Variants in EML2 observed in about 807,000 individuals in gnomAD.
EML2 encodes the protein EMAP like 2.
EML2 carries 59 observed loss-of-function variants against 84.7 expected under a neutral mutation model. The observed-to-expected ratio is 0.70, with a 90% CI of 0.56 to 0.86. EML2 has a LOEUF of 0.86. EML2 is among the 40% of genes least tolerant of loss of function. The pLI is 0.00. For synonymous variants in EML2, 352 were observed against 348.9 expected (o/e 1.01, Z -0.10); for missense variants, 818 against 855.6 (o/e 0.96, Z 0.55).
intron 15 of EML2, chr19:45,616,251 T>A: frequency 1.2e-5 from 5 of 420,248 alleles, no homozygotes; most frequent in Non-Finnish European, 2.0e-5. Flanking sequence ...GCTACACAGA[T>A]GGGCTTAGCA....
chr19:45,641,602 C>T (rs962580774), upstream of EML2: 33 of 1,526,796 alleles, frequency 2.2e-5, no homozygotes, highest in Non-Finnish European at 2.9e-5. Flanking sequence ...CATTTCCTCC[C>T]TATCTCTTTC....
At chr19:45,624,564 G>GAGTCAATAA (rs967822426) in intron 9 of EML2, among the ~76,000 whole-genome samples, 155 bp downstream of exon 9, 1 of 152,016 alleles carries the variant, frequency 6.6e-6, no homozygotes, top group Non-Finnish European at 1.5e-5. Flanking sequence ...AGATTTCCTG[G>GAGTCAATAA]AGATAGGGAT....
upstream of EML2, among the ~76,000 whole-genome samples, chr19:45,645,092 G>C (rs1361947630): frequency 6.6e-6 from 1 of 152,070 alleles, no homozygotes; most frequent in Admixed American, 6.6e-5. Context: ...TGGATGGGGG[G>C]CTGGGATCTA....
intron 7 of EML2, among the ~76,000 whole-genome samples, chr19:45,629,034 C>T (rs967809900): frequency 1.3e-5 from 2 of 152,226 alleles, no homozygotes; most frequent in Non-Finnish European, 2.9e-5. Context: ...CCACCTCAAA[C>T]CCACCCTTCT....
chr19:45,626,214 G>A (rs138298338), intron 8 of EML2, among the ~76,000 whole-genome samples: 54 of 150,584 alleles, frequency 3.6e-4, no homozygotes, highest in Non-Finnish European at 6.1e-4. Context: ...GTCTCACCAT[G>A]TTCCCCAGGC....
chr19:45,639,247 A>T, intron 1 of EML2, 110 bp downstream of exon 1: 1 of 1,105,160 alleles, frequency 9.0e-7, no homozygotes. Flanking sequence ...AGTTTAAGGG[A>T]AGGGGCGTGT....
chr19:45,625,862 C>T (rs1252802230), intron 8 of EML2, among the ~76,000 whole-genome samples: 2 of 140,570 alleles, frequency 1.4e-5, no homozygotes, highest in African/African-American at 6.5e-5. Context: ...CGCAGCACCC[C>T]TGTTTTTGTT....
chr19:45,622,978 T>G (rs1600126929), intron 9 of EML2, among the ~76,000 whole-genome samples: 13 of 122,700 alleles, frequency 1.1e-4, no homozygotes, highest in Admixed American at 2.7e-4. Context: ...ACCTGGGAGG[T>G]GGAACTTGCA....
At chr19:45,645,107 T>A (rs556379807), upstream of EML2, among the ~76,000 whole-genome samples, 162 of 151,864 alleles carry the variant, frequency 1.1e-3, no homozygotes, top group Non-Finnish European at 1.9e-3. Flanking sequence ...GATCTAGGTT[T>A]TGGGGACCAG....
chr19:45,624,942 C>G, intron 8 of EML2, 124 bp from the exon 9 acceptor site: 1 of 671,130 alleles, frequency 1.5e-6, no homozygotes, highest in Non-Finnish European at 2.6e-6. Flanking sequence ...GGGTAAGGCT[C>G]TGCGTGGAGC....
intron 3 of EML2, among the ~76,000 whole-genome samples, chr19:45,634,964 C>A (rs1973551968): frequency 6.6e-6 from 1 of 151,906 alleles, no homozygotes; most frequent in Admixed American, 6.6e-5. Flanking sequence ...GATTCCCCTG[C>A]CTCAGCCTCC....
chr19:45,637,470 A>ATT (rs66503218), intron 3 of EML2, among the ~76,000 whole-genome samples: 2,725 of 101,590 alleles, frequency 0.027, 169 homozygotes, highest in African/African-American at 0.088. Context: ...ATTATTTTGG[A>ATT]TTTTTTTTTT....
intron 7 of EML2, 64 bp from the exon 8 acceptor site, chr19:45,626,903 C>T: frequency 2.0e-6 from 3 of 1,503,562 alleles, no homozygotes; most frequent in Admixed American, 2.0e-5. Flanking sequence ...TATACCCGCC[C>T]CTCACAGGAC....
chr19:45,641,581 C>T, upstream of EML2: 3 of 1,498,760 alleles, frequency 2.0e-6, no homozygotes, highest in Middle Eastern at 3.4e-4. Flanking sequence ...GGCATGACTA[C>T]ATTTCTCGAC....
intron 11 of EML2, chr19:45,619,493 C>T (rs945731389): frequency 5.0e-6 from 1 of 201,928 alleles, no homozygotes; most frequent in African/African-American, 2.3e-5. Flanking sequence ...ACAGGCTGCA[C>T]CCTGGCCACA....
chr19:45,618,236 G>GTT (rs1230205395), intron 12 of EML2, among the ~76,000 whole-genome samples: 1 of 125,352 alleles, frequency 8.0e-6, no homozygotes, highest in Non-Finnish European at 1.7e-5. Flanking sequence ...GCTAATTTTT[G>GTT]TTTTTTTTTT....
chr19:45,627,348 A>T (rs1453909934), intron 7 of EML2, among the ~76,000 whole-genome samples: 2 of 142,082 alleles, frequency 1.4e-5, no homozygotes, highest in African/African-American at 5.3e-5. Context: ...TCTGCCTCCC[A>T]GGTTCAAGAG....
chr19:45,609,657 G>A lies in EML2; in HGVS notation c.*6C>T, dbSNP rs1970276940. The stretch of plus-strand genomic sequence containing the variant: ...TGCCCTGACACCTGACTCTTCCCTG[G>A]CCGCATCAGACCACCCGCCACTGTA... On this transcript the variant is annotated 3_prime_UTR_variant, in exon 19 of 19. Coordinates refer to ENST00000245925, the MANE Select transcript of EML2 (RefSeq NM_012155.4). 6.3e-7 allele frequency: 1 copy of A among 1,597,048 alleles called. No homozygotes were observed. The highest frequency in any genetic ancestry group is 8.5e-7 in the Non-Finnish European group (1 of 1,173,492).
intron 9 of EML2, among the ~76,000 whole-genome samples, chr19:45,622,804 T>C (rs1971861123): frequency 6.6e-6 from 1 of 152,038 alleles, no homozygotes; most frequent in African/African-American, 2.4e-5. Context: ...TCCCAGCACT[T>C]TGGGAGGCCG....
Sources: gnomAD v4.1 joint callset for allele counts (sites outside exome capture counted in the v4.1 genomes callset) on GRCh38, gnomAD v4.1.1 for gene constraint, MANE v1.5 for transcripts, NCBI Gene and HGNC (gene_info 2026-07-23, HGNC 2026-07-21) for gene names.